The following MEF2A variants were observed in gnomAD, a reference collection of about 807,000 sequenced individuals.
MEF2A encodes myocyte-specific enhancer factor 2A.
Under a neutral mutation model 55.8 loss-of-function variants are expected in MEF2A, and 28 were observed. The observed-to-expected ratio is 0.50, with a 90% CI of 0.37 to 0.69. The LOEUF is 0.69. Ranked by LOEUF, MEF2A falls within the 30% of genes least tolerant of loss-of-function variation. The pLI, the probability that MEF2A is intolerant of heterozygous loss-of-function variation, is 0.00. For missense variants in MEF2A, 528 were observed against 626.2 expected (o/e 0.84, Z 1.67); for synonymous variants, 239 against 227.1 (o/e 1.05, Z -0.47).
chr15:99,606,860 G>A (rs1158964821), intron 2 of MEF2A, among the ~76,000 whole-genome samples: 2 of 152,260 alleles, frequency 1.3e-5, no homozygotes, highest in Middle Eastern at 3.4e-3. Flanking sequence ...ACATGTGTGT[G>A]GAGGGATGTG....
At chr15:99,576,371 T>C (rs1023740530) in intron 1 of MEF2A, among the ~76,000 whole-genome samples, 5 of 152,066 alleles carry the variant, frequency 3.3e-5, no homozygotes, top group African/African-American at 1.2e-4. Context: ...AAAACAGGAG[T>C]GTGAATCCTG....
intron 8 of MEF2A, 114 bp from the exon 9 acceptor site, chr15:99,703,246 CTT>C (rs201839807): frequency 0.01 from 9,662 of 928,074 alleles, 64 homozygotes; most frequent in Non-Finnish European, 0.014. Flanking sequence ...ATAATCGTCT[CTT>C]TAGAGTTCCA....
intron 2 of MEF2A, among the ~76,000 whole-genome samples, chr15:99,622,388 A>G (rs2041332562): frequency 6.6e-6 from 1 of 152,226 alleles, no homozygotes; most frequent in Non-Finnish European, 1.5e-5. Context: ...AAATGTTGCC[A>G]TTTTGAGTAA....
chr15:99,608,488 G>A (rs746668244), intron 2 of MEF2A, among the ~76,000 whole-genome samples: 33 of 152,162 alleles, frequency 2.2e-4, no homozygotes, highest in Non-Finnish European at 3.1e-4. Flanking sequence ...ATAGAAAGAT[G>A]CCATCTTTCA....
chr15:99,702,220 A>G (rs2057475800), intron 8 of MEF2A, among the ~76,000 whole-genome samples: 1 of 152,148 alleles, frequency 6.6e-6, no homozygotes, highest in Non-Finnish European at 1.5e-5. Context: ...CAGAGTAAGT[A>G]ATCGGTCCCA....
At chr15:99,710,154 TA>T (rs2058472265) in intron 10 of MEF2A, among the ~76,000 whole-genome samples, 1 of 152,268 alleles carries the variant, frequency 6.6e-6, no homozygotes, top group Non-Finnish European at 1.5e-5. Context: ...CTAGATCCTG[TA>T]AATCTTCCAA....
chr15:99,583,369 T>G (rs1162766047), intron 1 of MEF2A, among the ~76,000 whole-genome samples: 1 of 152,170 alleles, frequency 6.6e-6, no homozygotes. Flanking sequence ...AAAGCCTTAT[T>G]AATATGGAAA....
intron 2 of MEF2A, among the ~76,000 whole-genome samples, chr15:99,630,067 G>T (rs2042710377): frequency 7.3e-6 from 1 of 137,174 alleles, no homozygotes; most frequent in Non-Finnish European, 1.5e-5. Flanking sequence ...ATGTTCCTAA[G>T]TGTGGTTTTC....
At chr15:99,593,381 G>A (rs913383328) in intron 1 of MEF2A, among the ~76,000 whole-genome samples, 7 of 152,114 alleles carry the variant, frequency 4.6e-5, no homozygotes, top group Non-Finnish European at 8.8e-5. Context: ...TTTTAAAATT[G>A]TAGTTTTATA....
chr15:99,674,082 C>G (rs1183935892), intron 5 of MEF2A, among the ~76,000 whole-genome samples: 1 of 151,974 alleles, frequency 6.6e-6, no homozygotes, highest in South Asian at 2.1e-4. Flanking sequence ...TTTGTAATGT[C>G]TAAATATGAC....
At chr15:99,682,520 A>G (rs1167807122) in intron 7 of MEF2A, among the ~76,000 whole-genome samples, 1 of 152,194 alleles carries the variant, frequency 6.6e-6, no homozygotes, top group African/African-American at 2.4e-5. Context: ...TGTAATAAAA[A>G]TTGAGCTGGA....
chr15:99,649,490 C>T (rs1305567477), intron 4 of MEF2A, among the ~76,000 whole-genome samples: 1 of 152,100 alleles, frequency 6.6e-6, no homozygotes, highest in African/African-American at 2.4e-5. Flanking sequence ...CACATTTTAT[C>T]TTTTCAAGTT....
intron 1 of MEF2A, among the ~76,000 whole-genome samples, chr15:99,573,115 C>T (rs930400375): frequency 1.3e-5 from 2 of 151,866 alleles, no homozygotes; most frequent in African/African-American, 2.4e-5. Flanking sequence ...AGTGAAACCC[C>T]ATCTCTACTA....
intron 8 of MEF2A, among the ~76,000 whole-genome samples, chr15:99,698,249 T>G (rs555429415): frequency 6.6e-6 from 1 of 152,300 alleles, no homozygotes; most frequent in East Asian, 1.9e-4. Context: ...ACCTACAGAT[T>G]AGAAGAAGGT....
intron 1 of MEF2A, among the ~76,000 whole-genome samples, chr15:99,577,429 G>A (rs987262523): frequency 2.2e-4 from 33 of 152,172 alleles, no homozygotes; most frequent in Non-Finnish European, 4.0e-4. Flanking sequence ...TCACGGTCAG[G>A]GGGGAGTATG....
chr15:99,712,785 A>C lies in MEF2A; in HGVS notation c.*14A>C. The C allele has an allele frequency of 1.3e-6, 2 of 1,550,104 alleles. No homozygotes were observed. The highest frequency in any genetic ancestry group is 1.7e-6 in the Non-Finnish European group (2 of 1,145,394). On this transcript the variant is annotated 3_prime_UTR_variant, in exon 12 of 12. Coordinates refer to ENST00000557942, the MANE Select transcript of MEF2A (RefSeq NM_001319206.4). This position sits in a 1 kb window ranked among gnomAD's most constrained non-coding sequence, Gnocchi z 4.1. ...TGGGTGACCTAAGGCTTCCAAGCTG[A>C]TGTTTGTACTTTTGTGTTACTGCAG...
At chr15:99,663,264 A>G (rs1195622209) in intron 4 of MEF2A, among the ~76,000 whole-genome samples, 1 of 152,180 alleles carries the variant, frequency 6.6e-6, no homozygotes, top group Non-Finnish European at 1.5e-5. Context: ...AATATTTATT[A>G]AACATATTTA....
chr15:99,713,909 A>G lies in MEF2A; in HGVS notation c.*1138A>G, dbSNP rs1434419936. On this transcript the variant is annotated 3_prime_UTR_variant, in exon 12 of 12. Transcript: ENST00000557942. ...GTAAGTACCTATGTATTGTATGGTC[A>G]CCAGATTAAAAAGTATATTTTTGTG... is the stretch of plus-strand genomic sequence containing the variant. 6.6e-6 allele frequency: 1 copy of G among 152,238 alleles called. No individual in the cohort carries two copies. Among genetic ancestry groups the G allele is most frequent in the Non-Finnish European group, 1.5e-5 (1 of 68,036 alleles). The allele number at this position is 152,238 out of a possible 1,614,324, so 9.4% of individuals were successfully genotyped here. A position where few individuals can be genotyped will look rare whatever the true frequency, so the allele number is the denominator to read the frequency against.
chr15:99,691,148 CAAGA>C (rs2055375920), intron 8 of MEF2A, among the ~76,000 whole-genome samples: 2 of 137,252 alleles, frequency 1.5e-5, no homozygotes, highest in African/African-American at 2.7e-5. Flanking sequence ...ATTTAGTAGC[CAAGA>C]AAGAAGGAAG....
Sources: gnomAD v4.1 joint callset for allele counts (sites outside exome capture counted in the v4.1 genomes callset) on GRCh38, gnomAD v4.1.1 for gene constraint, Gnocchi (gnomAD v3.1) non-coding constraint, MANE v1.5 for transcripts, NCBI Gene and HGNC (gene_info 2026-07-23, HGNC 2026-07-21) for gene names.